TEX11: variants seen among roughly 807,000 people sequenced by gnomAD.
The protein encoded by TEX11 is testis expressed 11, also known as testis-expressed protein 11.
In TEX11, 7 loss-of-function variants were observed where a neutral mutation model predicts 84.4. The ratio of observed to expected loss-of-function variants is 0.08; its 90% CI spans 0.05 to 0.16. TEX11 has a LOEUF of 0.16. TEX11 is among the 10% of genes least tolerant of loss of function. The pLI is 1.00. For synonymous variants in TEX11, 264 were observed against 222.8 expected (o/e 1.18, Z -1.64); for missense variants, 551 against 660.5 (o/e 0.83, Z 1.82).
chrX:70,631,189 T>C (rs2089506406), intron 17 of TEX11, among the ~76,000 whole-genome samples: 1 of 111,744 alleles, frequency 8.9e-6, no homozygotes, highest in South Asian at 3.7e-4. Context: ...ACCAGCAAAA[T>C]GTATATTCCT....
At chrX:70,513,954 A>C in the TEX11 span, among the ~76,000 whole-genome samples, 1 of 109,265 alleles carries the variant, frequency 9.2e-6, no homozygotes, top group Non-Finnish European at 1.9e-5. Context: ...ATCTTGGAAA[A>C]GAGTCATAAA....
chrX:70,587,980 T>A (rs1239027802), intron 25 of TEX11, among the ~76,000 whole-genome samples: 2 of 112,434 alleles, frequency 1.8e-5, no homozygotes, highest in African/African-American at 6.5e-5. Flanking sequence ...GATTTCAGAT[T>A]TGCTTGGGGC....
At chrX:70,628,599 T>C (rs2089475164) in intron 18 of TEX11, among the ~76,000 whole-genome samples, 1 of 112,302 alleles carries the variant, frequency 8.9e-6, no homozygotes, top group South Asian at 3.7e-4. Flanking sequence ...GGCTTGTCTG[T>C]TCAAATTGAC....
At chrX:70,794,561 C>T (rs770517733) in intron 9 of TEX11, among the ~76,000 whole-genome samples, 2 of 108,716 alleles carry the variant, frequency 1.8e-5, no homozygotes, top group East Asian at 5.9e-4. Flanking sequence ...CAAGAGACCC[C>T]CTTCCTTCTG....
At chrX:70,577,724 CATGATT>C (rs1471481213) in intron 25 of TEX11, among the ~76,000 whole-genome samples, 1 of 105,894 alleles carries the variant, frequency 9.4e-6, no homozygotes, top group Non-Finnish European at 1.9e-5. Context: ...CTAAGAGAGT[CATGATT>C]ATATCTTTTT....
At chrX:70,649,608 A>G (rs1198236264) in intron 17 of TEX11, among the ~76,000 whole-genome samples, 1 of 111,683 alleles carries the variant, frequency 9.0e-6, no homozygotes, top group Admixed American at 9.5e-5. Flanking sequence ...CTACAGAAGT[A>G]AAATATTATC....
chrX:70,597,658 T>C (rs1410940034), intron 24 of TEX11, among the ~76,000 whole-genome samples: 2 of 111,785 alleles, frequency 1.8e-5, no homozygotes, highest in African/African-American at 6.5e-5. Flanking sequence ...GCTGAAAATA[T>C]AAAAAACCTT....
Position 70,606,970 on chromosome X carries a change from G to A in TEX11, c.1939C>T (p.Leu647Phe). 1 of 1,192,068 alleles carries A rather than the reference G, an allele frequency of 8.4e-7. No homozygotes were observed. Among genetic ancestry groups the A allele is most frequent in the South Asian group, 1.9e-5 (1 of 53,793 alleles). Residue 647 changes from leucine to phenylalanine, a missense_variant, in exon 23 of 30, where the codon CTT (leucine) becomes TTT (phenylalanine). Transcript: ENST00000374333. ...DPVMMREFFILSYKMSQFCPS... is the reference protein window; with the variant it reads ...DPVMMREFFIFSYKMSQFCPS... ...TAAAAGAAACTTACCTTATAAGAAA[G>A]TATAAAAAACTCTCTCATCATCACT... is the stretch of plus-strand genomic sequence containing the variant.
chrX:70,794,241 C>T (rs1333814228), intron 9 of TEX11, among the ~76,000 whole-genome samples: 2 of 111,451 alleles, frequency 1.8e-5, no homozygotes, highest in Admixed American at 9.5e-5. Context: ...AACTCAGTGC[C>T]GCCCTTTCAC....
chrX:70,523,184 A>T, the TEX11 span, among the ~76,000 whole-genome samples: 1 of 111,074 alleles, frequency 9.0e-6, no homozygotes, highest in Non-Finnish European at 1.9e-5. Context: ...CTTACCAGAC[A>T]ACAAAGATAA....
chrX:70,518,819 A>G, the TEX11 span, among the ~76,000 whole-genome samples: 2 of 112,167 alleles, frequency 1.8e-5, no homozygotes, highest in Non-Finnish European at 3.8e-5. Context: ...TTGGGTGCAT[A>G]TATATTTAAG....
At chrX:70,813,772 T>G (rs1335741871) in intron 8 of TEX11, among the ~76,000 whole-genome samples, 2 of 111,936 alleles carry the variant, frequency 1.8e-5, no homozygotes. Context: ...AAAATCAATG[T>G]GCAAAAATCA....
At chrX:70,750,939 T>A (rs1260115193) in intron 9 of TEX11, among the ~76,000 whole-genome samples, 681 of 57,586 alleles carry the variant, frequency 0.012, 24 homozygotes, top group African/African-American at 0.049. Flanking sequence ...AAAAAATATA[T>A]ATATATATAT....
At chrX:70,787,519 C>T (rs753609608) in intron 9 of TEX11, among the ~76,000 whole-genome samples, 6 of 110,399 alleles carry the variant, frequency 5.4e-5, no homozygotes, top group Non-Finnish European at 7.6e-5. Context: ...TTACTAGAGA[C>T]GGGGTTTCAC....
chrX:70,662,092 A>G (rs1453553196), intron 16 of TEX11, among the ~76,000 whole-genome samples: 1 of 111,608 alleles, frequency 9.0e-6, no homozygotes, highest in Non-Finnish European at 1.9e-5. Context: ...ATTCAAACCC[A>G]TGGCAAATAA....
At chrX:70,620,168 G>A (rs1221136202) in intron 20 of TEX11, among the ~76,000 whole-genome samples, 1 of 110,491 alleles carries the variant, frequency 9.1e-6, no homozygotes, top group African/African-American at 3.3e-5. Flanking sequence ...TGTTATATTT[G>A]GGATCTGTGG....
chrX:70,828,544 GA>G (rs965910491), intron 8 of TEX11, among the ~76,000 whole-genome samples: 6 of 108,929 alleles, frequency 5.5e-5, no homozygotes, highest in Non-Finnish European at 1.1e-4. Flanking sequence ...ACAATCAGAG[GA>G]GACAAAAGAA....
intron 8 of TEX11, among the ~76,000 whole-genome samples, chrX:70,808,107 C>CAAAAAAAAAAAAAAAAAAAA (rs549201546): frequency 3.1e-5 from 1 of 32,614 alleles, no homozygotes; most frequent in Non-Finnish European, 4.6e-5. Flanking sequence ...GACTCTGTCT[C>CAAAAAAAAAAAAAAAAAAAA]AAAAAAAAAA....
At chrX:70,541,263 T>C (rs1185270956) in intron 28 of TEX11, among the ~76,000 whole-genome samples, 1 of 111,758 alleles carries the variant, frequency 8.9e-6, no homozygotes, top group Non-Finnish European at 1.9e-5. Flanking sequence ...ATCACATTTA[T>C]ATGACATGCT....
Sources: gnomAD v4.1 joint callset for allele counts (sites outside exome capture counted in the v4.1 genomes callset) on GRCh38, gnomAD v4.1.1 for gene constraint, MANE v1.5 for transcripts, NCBI Gene and HGNC (gene_info 2026-07-23, HGNC 2026-07-21) for gene names.